The following LSAMP variants were observed in gnomAD, a reference collection of about 807,000 sequenced individuals.
The protein encoded by LSAMP is limbic system-associated membrane protein.
In LSAMP, 7 loss-of-function variants were observed where a neutral mutation model predicts 38.6. The ratio of observed to expected loss-of-function variants is 0.18; its 90% confidence interval spans 0.10 to 0.34. The LOEUF is 0.34. LSAMP is among the 10% of genes least tolerant of loss of function. LSAMP has a pLI of 1.00. For synonymous variants in LSAMP, 154 were observed against 166.8 expected, an observed-to-expected ratio of 0.92 and a Z score of 0.59; for missense variants, 313 against 420.0, an observed-to-expected ratio of 0.75 and a Z score of 2.23.
At chr3:116,125,542 A>T (rs1388756716) in intron 1 of LSAMP, among the ~76,000 whole-genome samples, 1 of 150,464 alleles carries the variant, frequency 6.6e-6, no homozygotes, top group African/African-American at 2.4e-5. Context: ...CACTCTCTCA[A>T]CTCTTTTCTT....
At chr3:116,288,679 T>A (rs951011684) in intron 1 of LSAMP, among the ~76,000 whole-genome samples, 1 of 152,144 alleles carries the variant, frequency 6.6e-6, no homozygotes, top group Admixed American at 6.6e-5. Context: ...GTATCTACAT[T>A]TTTTCCCAGC....
At chr3:116,194,307 C>T (rs1710824947) in intron 1 of LSAMP, among the ~76,000 whole-genome samples, 1 of 152,108 alleles carries the variant, frequency 6.6e-6, no homozygotes, top group African/African-American at 2.4e-5. Flanking sequence ...CCGAAAAAAG[C>T]CATAATCCTT....
chr3:115,882,651 T>C (rs1443415367), intron 3 of LSAMP, among the ~76,000 whole-genome samples: 2 of 152,130 alleles, frequency 1.3e-5, no homozygotes, highest in African/African-American at 4.8e-5. Flanking sequence ...TATTAATCAC[T>C]AAACTCATCT....
chr3:116,281,922 C>A (rs889010667), intron 1 of LSAMP, among the ~76,000 whole-genome samples: 2 of 152,204 alleles, frequency 1.3e-5, no homozygotes, highest in Non-Finnish European at 2.9e-5. Flanking sequence ...TCCATCTTCA[C>A]ATTAACAACT....
chr3:116,356,389 C>G (rs75897981), intron 1 of LSAMP, among the ~76,000 whole-genome samples: 5 of 151,948 alleles, frequency 3.3e-5, no homozygotes, highest in Admixed American at 3.3e-4. Flanking sequence ...ATTGAACTCA[C>G]GGAGATAGAG....
chr3:115,918,925 CTA>C (rs1269716888), intron 3 of LSAMP, among the ~76,000 whole-genome samples: 1 of 152,074 alleles, frequency 6.6e-6, no homozygotes, highest in Non-Finnish European at 1.5e-5. Flanking sequence ...GAAATAGAGG[CTA>C]AATGATTGCC....
chr3:116,233,708 C>T (rs1336077923), intron 1 of LSAMP, among the ~76,000 whole-genome samples: 2 of 151,836 alleles, frequency 1.3e-5, no homozygotes, highest in Non-Finnish European at 2.9e-5. Flanking sequence ...TCCCCTCTCC[C>T]CGCCACCAAA....
intron 1 of LSAMP, among the ~76,000 whole-genome samples, chr3:116,383,458 T>C (rs765492594): frequency 6.6e-6 from 1 of 152,228 alleles, no homozygotes; most frequent in Middle Eastern, 3.4e-3. Context: ...TTTAAAGCAA[T>C]AAGTACATTA....
At chr3:116,207,913 C>T (rs367977621) in intron 1 of LSAMP, among the ~76,000 whole-genome samples, 6,811 of 149,096 alleles carry the variant, frequency 0.046, 184 homozygotes, top group Middle Eastern at 0.12. Context: ...ATCTTTGTGG[C>T]GTTCTCTGTA....
chr3:116,191,163 C>T (rs1471225176), intron 1 of LSAMP, among the ~76,000 whole-genome samples: 1 of 152,128 alleles, frequency 6.6e-6, no homozygotes, highest in African/African-American at 2.4e-5. Flanking sequence ...GTGGAGCTTG[C>T]AGTGAGCCAA....
intron 1 of LSAMP, among the ~76,000 whole-genome samples, chr3:116,179,991 A>G (rs1330049458): frequency 2.0e-5 from 3 of 152,230 alleles, no homozygotes; most frequent in African/African-American, 7.2e-5. Flanking sequence ...AGTACTTATA[A>G]CATATTTATA....
At chr3:115,972,850 T>C (rs1316226572) in intron 3 of LSAMP, among the ~76,000 whole-genome samples, 1 of 149,566 alleles carries the variant, frequency 6.7e-6, no homozygotes, top group Non-Finnish European at 1.5e-5. Context: ...ACATTTAATG[T>C]ATTAGCCCAT....
intron 1 of LSAMP, among the ~76,000 whole-genome samples, chr3:116,305,888 GAAT>G (rs1241316550): frequency 1.3e-5 from 2 of 149,856 alleles, no homozygotes; most frequent in East Asian, 1.9e-4. Flanking sequence ...AACTTCTTCA[GAAT>G]AATATTTTAT....
chr3:115,953,404 TACACACACACACACACAC>T lies in LSAMP; in HGVS notation c.514+66093_514+66110del, dbSNP rs71616336. 5.8e-4 allele frequency among the ~76,000 whole-genome samples: 84 copies of T among 143,706 alleles called. 1 individual carries two copies. The highest frequency in any genetic ancestry group is 1.9e-3 in the African/African-American group (74 of 38,690). 94.3% of individuals were successfully genotyped at this position (143,706 alleles called of 152,430 possible). On this transcript the variant is annotated intron_variant, in intron 3 of 6. Coordinates refer to ENST00000490035, the MANE Select transcript of LSAMP (RefSeq NM_002338.5). ...GGGATGAAACAAAATGTAGTGTGCG[TACACACACACACACACAC>T]ACACACACACACACACACACAATGT... is the stretch of plus-strand genomic sequence containing the variant.
At chr3:115,884,499 G>A (rs1266404973) in intron 3 of LSAMP, among the ~76,000 whole-genome samples, 2 of 151,978 alleles carry the variant, frequency 1.3e-5, no homozygotes, top group Non-Finnish European at 2.9e-5. Flanking sequence ...TAATGCTGTT[G>A]GATTGGCAAT....
intron 2 of LSAMP, among the ~76,000 whole-genome samples, chr3:116,070,072 C>A (rs1288684007): frequency 1.3e-5 from 2 of 151,902 alleles, no homozygotes; most frequent in African/African-American, 4.8e-5. Flanking sequence ...GAGAATATTG[C>A]ATTATTTCAG....
intron 3 of LSAMP, among the ~76,000 whole-genome samples, chr3:115,899,805 CTTACTGTCGACAACAGAAGTCTCTAAAA>C (rs2107479113): frequency 6.6e-6 from 1 of 152,242 alleles, no homozygotes; most frequent in African/African-American, 2.4e-5. Context: ...TTAAATTGTG[CTTACTGTCGACAACAGAAGTCTCTAAAA>C]ATGGCATCGG....
intron 3 of LSAMP, among the ~76,000 whole-genome samples, chr3:115,923,619 C>A (rs1396197902): frequency 6.6e-6 from 1 of 152,118 alleles, no homozygotes; most frequent in African/African-American, 2.4e-5. Context: ...CTTAGTATAT[C>A]CTATTGGCTA....
At chr3:116,022,886 A>G (rs529049077) in intron 2 of LSAMP, among the ~76,000 whole-genome samples, 32 of 152,302 alleles carry the variant, frequency 2.1e-4, no homozygotes, top group African/African-American at 7.7e-4. Context: ...ACTCAGGACT[A>G]AAGTCATTAC....
Sources: allele counts gnomAD v4.1 joint callset (sites outside exome capture counted in the v4.1 genomes callset), GRCh38; gene constraint gnomAD v4.1.1; transcripts MANE v1.5; gene names NCBI Gene and HGNC (gene_info 2026-07-23, HGNC 2026-07-21).